Variants in REV3L observed in about 807,000 individuals in gnomAD.
The protein encoded by REV3L is REV3 like, DNA directed polymerase zeta catalytic subunit, also known as DNA polymerase zeta catalytic subunit.
A neutral mutation model predicts 299.4 loss-of-function variants in REV3L; 69 were observed. That is an observed-to-expected ratio of 0.23 (90% CI 0.19 to 0.28). The LOEUF is 0.28. Among genes scored for constraint, REV3L ranks in the 10% least tolerant of loss-of-function variants. The probability of loss-of-function intolerance (pLI) is 1.00; values close to 1 mark genes in which losing one functional copy is unlikely to be tolerated. For synonymous variants in REV3L, 1,238 were observed against 1,271.4 expected (o/e 0.97, Z 0.56); for missense variants, 3,128 against 3,693.8 (o/e 0.85, Z 3.97).
chr6:111,329,730 T>C lies in REV3L; in HGVS notation c.8043A>G (p.Val2681=), dbSNP rs1562130669. 6.2e-7 allele frequency: 1 copy of C among 1,611,944 alleles called. No individual in the cohort carries two copies. Reference sequence around the variant, plus strand: ...GCATTCTTGGTAGTACACCTTTTCTTACTGAAGGCTATCATAAAGAAAAAA... The same window carrying C: ...GCATTCTTGGTAGTACACCTTTTCTCACTGAAGGCTATCATAAAGAAAAAA... ...PNGVAFVKPS[V]RKGVLPRMLE... Residue 2681 remains valine (V), a synonymous_variant, in exon 25 of 32, where the codon GTA becomes GTG. Transcript: ENST00000368802.
intron 1 of REV3L, chr6:111,431,317 A>G (rs1562301715): frequency 3.4e-6 from 4 of 1,174,520 alleles, no homozygotes. Context: ...CAGCAAAAGA[A>G]ATGGAGATTA....
intron 1 of REV3L, among the ~76,000 whole-genome samples, chr6:111,446,626 A>G (rs991449651): frequency 2.0e-4 from 30 of 152,150 alleles, no homozygotes; most frequent in African/African-American, 7.2e-4. Context: ...GCTTGAACCC[A>G]GGAGGCAGAG....
chr6:111,423,537 A>AGT (rs771006186), intron 1 of REV3L, among the ~76,000 whole-genome samples: 207 of 151,570 alleles, frequency 1.4e-3, no homozygotes, highest in East Asian at 4.7e-3. Context: ...AGAGAAAAAC[A>AGT]GTGTGTGTGT....
chr6:111,416,576 T>A, intron 1 of REV3L, 104 bp from the exon 2 acceptor site: 1 of 925,158 alleles, frequency 1.1e-6, no homozygotes, highest in Non-Finnish European at 1.6e-6. Flanking sequence ...ACAGCTTATC[T>A]AAGGGAAGAG....
chr6:111,304,585 T>A (rs1772052102), intron 31 of REV3L, among the ~76,000 whole-genome samples: 1 of 151,718 alleles, frequency 6.6e-6, no homozygotes, highest in Non-Finnish European at 1.5e-5. Context: ...TGACAAACCA[T>A]CATTATTTAT....
chr6:111,329,528 T>C lies in REV3L; in HGVS notation c.8241+4A>G, dbSNP rs1157026233. On this transcript the variant is annotated splice_donor_region_variant and intron_variant, in intron 25 of 31. Coordinates refer to ENST00000368802, the MANE Select transcript of REV3L (RefSeq NM_001372078.1). ...TGAAAAAACTACAGATTTGTATCAC[T>C]TACCTCAATGCATGGCATTCTCCCA... 6.2e-7 allele frequency: 1 copy of C among 1,613,740 alleles called. No individual in the cohort carries two copies. The highest frequency in any genetic ancestry group is 1.7e-5 in the Admixed American group (1 of 59,996).
chr6:111,423,118 G>T (rs1785763394), intron 1 of REV3L, among the ~76,000 whole-genome samples: 3 of 151,116 alleles, frequency 2.0e-5, no homozygotes, highest in Admixed American at 2.0e-4. Context: ...CCAATGTTTG[G>T]TGCTAAACCA....
chr6:111,307,379 T>C lies in REV3L; in HGVS notation c.9234A>G (p.Gln3078=), dbSNP rs747526293. The change falls in exon 31 of 32, where the codon CAA becomes CAG. Residue 3078 remains glutamine (Q), a synonymous_variant. Coordinates refer to ENST00000368802, the MANE Select transcript of REV3L (RefSeq NM_001372078.1). ...LNQEIRELER[Q]QEQLVKICKN... is the part of the protein sequence containing the mutation. ...ACTGTACCTTTACAAGTTGCTCCTG[T>C]TGACGTTCCAACTCCCGGATTTCTT... The C allele has an allele frequency of 6.2e-7, 1 of 1,614,114 alleles. No homozygotes were observed. The highest frequency in any genetic ancestry group is 8.5e-7 in the Non-Finnish European group (1 of 1,179,974).
At chr6:111,388,937 C>T (rs1781619014) in intron 7 of REV3L, among the ~76,000 whole-genome samples, 169 bp downstream of exon 7, 2 of 152,058 alleles carry the variant, frequency 1.3e-5, no homozygotes, top group African/African-American at 4.8e-5. Context: ...TTGGAGACAG[C>T]TGTAAAGATA....
chr6:111,422,653 TATATATATACATATATATATATATAC>T (rs1785641263), intron 1 of REV3L, among the ~76,000 whole-genome samples: 2 of 47,892 alleles, frequency 4.2e-5, no homozygotes, highest in Non-Finnish European at 1.0e-4. Context: ...TATATACATA[TATATATATACATATATATATATATAC>T]GTATATATAT....
chr6:111,360,150 G>A (rs1778498808), intron 16 of REV3L, among the ~76,000 whole-genome samples: 2 of 152,112 alleles, frequency 1.3e-5, no homozygotes, highest in African/African-American at 4.8e-5. Context: ...TACACACAAT[G>A]GAATATTCTG....
Position 111,358,967 on chromosome 6 carries a change from T to C in REV3L, c.6927A>G (p.Arg2309=), listed in dbSNP as rs113117999. 1 of 1,614,080 alleles carries C rather than the reference T, an allele frequency of 6.2e-7. No individual in the cohort carries two copies. Among genetic ancestry groups the C allele is most frequent in the Non-Finnish European group, 8.5e-7 (1 of 1,179,968 alleles). The change falls in exon 17 of 32, where the codon AGA becomes AGG. Residue 2309 remains arginine, a synonymous_variant. Transcript: ENST00000368802. ...ATTCAGGATCCGGTTCTAAGTCTCG[T>C]CTAGTTCGAGCATGCAACTCCACAC... ...LISVELHART[R]RDLEPDPEFD...
At chr6:111,360,860 C>T (rs1357309013) in intron 16 of REV3L, 1 of 151,874 alleles carries the variant, frequency 6.6e-6, no homozygotes. Context: ...CTACCACTTT[C>T]CTCAGAAACA....
rs541174717 is a variant in REV3L at position 111,309,976 on chromosome 6, C to T, written c.8919G>A (p.Leu2973=). ...CATTCAGTCTCAGAGTTGGGTCCTG[C>T]AGGACTTCCACTGGGCGCCTTACAA... ...IQLVRRPVEV[L]QDPTLRLNAT... Residue 2973 remains leucine (L), a synonymous_variant, in exon 30 of 32, where the codon CTG becomes CTA. Coordinates refer to ENST00000368802, the MANE Select transcript of REV3L (RefSeq NM_001372078.1). 6.2e-6 allele frequency: 10 copies of T among 1,614,006 alleles called. No individual in the cohort carries two copies. The South Asian group carries it at 1.1e-4, about 18-fold the overall frequency.
intron 1 of REV3L, among the ~76,000 whole-genome samples, chr6:111,479,302 T>G (rs1793321354): frequency 6.6e-6 from 1 of 152,222 alleles, no homozygotes; most frequent in African/African-American, 2.4e-5. Context: ...CAAATGATAC[T>G]GCTCAATTTG....
At position 111,483,181 on chromosome 6, in the gene REV3L, C is replaced by A. The variant is rs1583169399; in HGVS notation, c.-293G>T. ...CGGGAATCACACGGGCTCCTCGGTC[C>A]CAGGCTGCAGCTCTTGTTGCCATGA... is the stretch of plus-strand genomic sequence containing the variant. On this transcript the variant is annotated 5_prime_UTR_variant, in exon 1 of 32. Coordinates refer to ENST00000368802, the MANE Select transcript of REV3L (RefSeq NM_001372078.1). 4.1e-6 allele frequency: 2 copies of A among 491,002 alleles called. No individual in the cohort carries two copies. The highest frequency in any genetic ancestry group is 7.1e-6 in the Non-Finnish European group (2 of 283,082). The allele number at this position is 491,002 out of a possible 1,614,324, so 30.4% of individuals were successfully genotyped here.
At chr6:111,333,414 T>C in intron 22 of REV3L, 47 bp from the exon 23 acceptor site, 2 of 1,598,558 alleles carry the variant, frequency 1.3e-6, no homozygotes, top group Non-Finnish European at 1.7e-6. Flanking sequence ...CAGTTAAATA[T>C]ATTGGTCATT....
At chr6:111,356,579 T>G (rs1024114980) in intron 18 of REV3L, 4 of 152,156 alleles carry the variant, frequency 2.6e-5, no homozygotes, top group Non-Finnish European at 5.9e-5. Context: ...ATTGGCTTGT[T>G]TAGAACTCAG....
chr6:111,440,833 C>T (rs942832505), intron 1 of REV3L, among the ~76,000 whole-genome samples: 1 of 152,144 alleles, frequency 6.6e-6, no homozygotes, highest in Admixed American at 6.5e-5. Flanking sequence ...TTTTTTATTT[C>T]TCTTTCATTT....
Sources: allele counts gnomAD v4.1 joint callset (sites outside exome capture counted in the v4.1 genomes callset), GRCh38; gene constraint gnomAD v4.1.1; transcripts MANE v1.5; gene names NCBI Gene and HGNC (gene_info 2026-07-23, HGNC 2026-07-21).